The following PVT1 variants were observed in gnomAD, a reference collection of about 807,000 sequenced individuals.
PVT1 encodes CXCR4/PVT1 fusion.
intron 5 of PVT1, among the ~76,000 whole-genome samples, chr8:128,093,716 C>A (rs560353860): frequency 3.8e-4 from 57 of 151,882 alleles, no homozygotes; most frequent in Non-Finnish European, 5.4e-4. Context: ...CGGCTCACTG[C>A]AACCTCCGCC....
rs1816930636 is a variant in PVT1 at position 127,984,867 on chromosome 8, T to TTCTTTCTTTCTTTCTTTCTTTC, written n.783-4293_783-4272dup. Among the ~76,000 whole-genome samples, 4 of 73,036 alleles carry TTCTTTCTTTCTTTCTTTCTTTC rather than the reference T, an allele frequency of 5.5e-5. No homozygotes were observed. The East Asian group carries it at 1.1e-3, about 20-fold the overall frequency. The allele number at this position is 73,036 out of a possible 152,430, so 47.9% of individuals were successfully genotyped here. ...TTTCTTTCTTTCTTTCTTTCTTTCTTTCTTTCTTTCTTTCTTTCTTTCTTT... is the reference window on the plus strand; with the variant it reads ...TTTCTTTCTTTCTTTCTTTCTTTCTTTCTTTCTTTCTTTCTTTCTTTCTCTTTCTTTCTTTCTTTCTTTCTTT... On this transcript the variant is annotated intron_variant and non_coding_transcript_variant, in intron 3 of 10. Transcript: ENST00000651587.
intron 2 of PVT1, among the ~76,000 whole-genome samples, chr8:127,826,971 T>G (rs1814795658): frequency 6.7e-6 from 1 of 149,338 alleles, no homozygotes; most frequent in South Asian, 2.1e-4. Context: ...CACAGGGCTT[T>G]CTTTTTCTTT....
At position 127,972,990 on chromosome 8, in the gene PVT1, G is replaced by A. The variant is rs535206658; in HGVS notation, n.783-16172G>A. On this transcript the variant is annotated intron_variant and non_coding_transcript_variant, in intron 3 of 10. Coordinates refer to ENST00000651587, the Ensembl canonical transcript of PVT1. ...TGTAATCATAGCTCACTATAACCTC[G>A]AACTACTGGCTTCAAGCAATCCTCC... Among the ~76,000 whole-genome samples the A allele has an allele frequency of 7.2e-5, 11 of 152,256 alleles. No homozygotes were observed. In the South Asian group the frequency reaches 1.0e-3, roughly 14 times the overall value.
intron 4 of PVT1, among the ~76,000 whole-genome samples, chr8:128,026,907 G>A (rs560809050): frequency 8.5e-4 from 130 of 152,272 alleles, no homozygotes; most frequent in African/African-American, 2.9e-3. Context: ...GTCTGGAGCA[G>A]AATCTGGGAC....
Position 128,021,928 on chromosome 8 carries a change from T to C in PVT1, n.912+32637T>C, listed in dbSNP as rs374843051. 9.9e-5 allele frequency among the ~76,000 whole-genome samples: 15 copies of C among 152,258 alleles called. No individual in the cohort carries two copies. In the South Asian group the frequency reaches 2.5e-3, roughly 25 times the overall value. Reference sequence around the variant, plus strand: ...CAGGGGTAGGGAAGCATTACATGCCTGTAATCCCAGCTATTTGGGATGCTG... The same window carrying C: ...CAGGGGTAGGGAAGCATTACATGCCCGTAATCCCAGCTATTTGGGATGCTG... On this transcript the variant is annotated intron_variant and non_coding_transcript_variant, in intron 4 of 10. Transcript: ENST00000651587.
intron 4 of PVT1, among the ~76,000 whole-genome samples, chr8:128,069,376 C>T (rs756831216): frequency 1.3e-5 from 2 of 152,084 alleles, no homozygotes; most frequent in African/African-American, 4.8e-5. Context: ...GTGTAAGGCC[C>T]ATGTTCCACT....
chr8:127,948,351 GA>G (rs1816452126), intron 3 of PVT1: 2 of 173,358 alleles, frequency 1.2e-5, no homozygotes, highest in Admixed American at 1.1e-4. Context: ...TCTCAGGGGA[GA>G]AAATTCATAG....
At chr8:127,802,674 C>T (rs1028885341) in intron 2 of PVT1, among the ~76,000 whole-genome samples, 8 of 152,112 alleles carry the variant, frequency 5.3e-5, no homozygotes, top group Admixed American at 2.0e-4. Flanking sequence ...ATCATATTTT[C>T]GCTGGATGGA....
intron 4 of PVT1, among the ~76,000 whole-genome samples, chr8:128,016,689 A>G (rs1817378685): frequency 6.6e-6 from 1 of 152,178 alleles, no homozygotes; most frequent in South Asian, 2.1e-4. Context: ...TGTGAGGGAG[A>G]CGAAGATGAG....
In PVT1 at chr8:127,799,132, T is replaced by TG. The variant is rs375662091; in HGVS notation, n.372+3069dup. ...CTTTTTGTGTGTGTGTGGAGTTAGG[T>TG]GGGGGGGGAGGTATGGCATATTGTT... On this transcript the variant is annotated intron_variant and non_coding_transcript_variant, in intron 2 of 10. Coordinates refer to ENST00000651587, the Ensembl canonical transcript of PVT1. Among the ~76,000 whole-genome samples the TG allele has an allele frequency of 1.4e-3, 213 of 150,352 alleles. 1 individual carries two copies. The highest frequency in any genetic ancestry group is 6.8e-3 in the Middle Eastern group (2 of 292).
At chr8:127,834,167 A>G (rs1814883152) in intron 2 of PVT1, among the ~76,000 whole-genome samples, 1 of 152,094 alleles carries the variant, frequency 6.6e-6, no homozygotes, top group Non-Finnish European at 1.5e-5. Context: ...TAAACTTCAA[A>G]CTATACCACA....
rs1816606787 is a variant in PVT1, at chr8:127,959,160, T to A, written n.783-30002T>A. 2.0e-5 allele frequency among the ~76,000 whole-genome samples: 3 copies of A among 152,208 alleles called. No homozygotes were observed. In the South Asian group the frequency reaches 6.2e-4, roughly 31 times the overall value. On this transcript the variant is annotated intron_variant and non_coding_transcript_variant, in intron 3 of 10. Coordinates refer to ENST00000651587, the Ensembl canonical transcript of PVT1. Reference sequence around the variant, plus strand: ...GAGTGCTAGCCACGTGAGTGCATTTTACCAAGCGAACTGATGACTATCAGT... The same window carrying A: ...GAGTGCTAGCCACGTGAGTGCATTTAACCAAGCGAACTGATGACTATCAGT...
intron 5 of PVT1, among the ~76,000 whole-genome samples, chr8:128,076,137 A>G (rs535223154): frequency 6.6e-6 from 1 of 152,304 alleles, no homozygotes; most frequent in South Asian, 2.1e-4. Flanking sequence ...TGACACAGTG[A>G]TCTGGTGTCT....
intron 3 of PVT1, among the ~76,000 whole-genome samples, chr8:127,959,508 C>A (rs1310769899): frequency 6.6e-6 from 1 of 151,234 alleles, no homozygotes; most frequent in Non-Finnish European, 1.5e-5. Flanking sequence ...TCGCTTGAAC[C>A]CGGGAGGCAG....
intron 2 of PVT1, among the ~76,000 whole-genome samples, chr8:127,888,811 T>G (rs1435474014): frequency 6.6e-6 from 1 of 152,238 alleles, no homozygotes; most frequent in East Asian, 1.9e-4. Flanking sequence ...AACAGCCTGA[T>G]TTTAGCTCAG....
At chr8:127,911,936 C>T (rs192950506) in intron 3 of PVT1, among the ~76,000 whole-genome samples, 2 of 152,118 alleles carry the variant, frequency 1.3e-5, no homozygotes, top group East Asian at 1.9e-4. Flanking sequence ...GGGTGGTGCT[C>T]GTTTCATAAT....
At chr8:127,938,955 G>T (rs900718083) in intron 3 of PVT1, among the ~76,000 whole-genome samples, 7 of 152,244 alleles carry the variant, frequency 4.6e-5, no homozygotes, top group African/African-American at 1.7e-4. Context: ...GGAAACTGAG[G>T]CTGAGAGGGA....
intron 4 of PVT1, among the ~76,000 whole-genome samples, chr8:128,065,650 CAGTCTTCAGCTTCA>C (rs534031955): frequency 1.1e-4 from 17 of 152,248 alleles, no homozygotes; most frequent in South Asian, 2.1e-4. Context: ...CTGTCAAGAC[CAGTCTTCAGCTTCA>C]AGTCTTCAGC....
intron 4 of PVT1, among the ~76,000 whole-genome samples, chr8:128,056,761 C>A (rs1293293285): frequency 6.6e-6 from 1 of 152,204 alleles, no homozygotes; most frequent in Non-Finnish European, 1.5e-5. Context: ...AGAGATTGAC[C>A]TAGAATCTGG....
Sources: allele counts gnomAD v4.1 joint callset (sites outside exome capture counted in the v4.1 genomes callset), GRCh38; gene constraint gnomAD v4.1.1; transcripts MANE v1.5; gene names NCBI Gene and HGNC (gene_info 2026-07-23, HGNC 2026-07-21).